DMAC2L: variants seen among roughly 807,000 people sequenced by gnomAD.
DMAC2L encodes ATP synthase subunit s, mitochondrial.
DMAC2L carries 21 observed loss-of-function variants against 22.5 expected under a neutral mutation model. That is an observed-to-expected ratio of 0.93 (90% CI 0.66 to 1.34). DMAC2L has a LOEUF of 1.34. DMAC2L is among the 40% of genes most tolerant of loss of function. DMAC2L has a pLI of 0.00. For synonymous variants in DMAC2L, 86 were observed against 89.5 expected (o/e 0.96, Z 0.22); for missense variants, 239 against 246.5 (o/e 0.97, Z 0.20).
upstream of DMAC2L, chr14:50,312,034 T>G: frequency 6.3e-7 from 1 of 1,579,460 alleles, no homozygotes; most frequent in Non-Finnish European, 8.6e-7. Flanking sequence ...TGCGGCTACC[T>G]CCACACAGCG....
At chr14:50,323,796 G>T in intron 4 of DMAC2L, 149 bp from the exon 5 acceptor site, 2 of 617,022 alleles carry the variant, frequency 3.2e-6, no homozygotes, top group Middle Eastern at 5.6e-4. Flanking sequence ...GGTTAATAGG[G>T]TGAGCAGTCA....
chr14:50,323,764 C>G (rs1458487453), intron 4 of DMAC2L, among the ~76,000 whole-genome samples, 181 bp from the exon 5 acceptor site: 4 of 152,200 alleles, frequency 2.6e-5, no homozygotes, highest in Non-Finnish European at 5.9e-5. Context: ...TCAGCACAAG[C>G]TCTATAGTGA....
chr14:50,322,460 C>T, intron 3 of DMAC2L, 51 bp from the exon 4 acceptor site: 1 of 1,534,714 alleles, frequency 6.5e-7, no homozygotes, highest in Admixed American at 2.0e-5. Flanking sequence ...ATATAGTTAA[C>T]AAGCTAGTGA....
chr14:50,322,412 T>G, intron 3 of DMAC2L, 99 bp from the exon 4 acceptor site: 1 of 1,259,418 alleles, frequency 7.9e-7, no homozygotes, highest in Non-Finnish European at 1.1e-6. Context: ...TCACTTGAAA[T>G]GAAAATTTGT....
upstream of DMAC2L, chr14:50,312,010 C>CCTGGTG (rs1334440953): frequency 3.2e-6 from 5 of 1,562,146 alleles, no homozygotes; most frequent in South Asian, 3.5e-5. Flanking sequence ...CGGCCACTCA[C>CCTGGTG]CTGGTGCTGG....
rs117130531 is a variant in DMAC2L at position 50,322,903 on chromosome 14, C to T, written c.316+184C>T. ...AAATTGAGGTTACAGACACCTTCCT[C>T]TCCTTCCTCCTCTCACTAAGCTTGT... On this transcript the variant is annotated intron_variant, in intron 4 of 5. Coordinates refer to ENST00000557421, the MANE Select transcript of DMAC2L (RefSeq NM_001382507.1). The T allele has an allele frequency of 1.1e-4, 158 of 1,443,744 alleles. 1 individual carries two copies. The East Asian group carries it at 3.9e-3, about 36-fold the overall frequency. 89.4% of individuals were successfully genotyped at this position (1,443,744 alleles called of 1,614,324 possible). A position where few individuals can be genotyped will look rare whatever the true frequency, so the allele number is the denominator to read the frequency against.
chr14:50,316,462 C>T (rs1173229294), intron 2 of DMAC2L, among the ~76,000 whole-genome samples: 1 of 152,162 alleles, frequency 6.6e-6, no homozygotes, highest in Non-Finnish European at 1.5e-5. Flanking sequence ...TCATGAAACC[C>T]TTGCCTAAGC....
At chr14:50,312,502 G>A in intron 1 of DMAC2L, 113 bp downstream of exon 1, 1 of 391,730 alleles carries the variant, frequency 2.6e-6, no homozygotes, top group South Asian at 2.8e-5. Context: ...TGGGTCGCGC[G>A]TCTTCGACCT....
intron 2 of DMAC2L, among the ~76,000 whole-genome samples, chr14:50,317,025 A>G (rs1229530960): frequency 6.6e-6 from 1 of 152,236 alleles, no homozygotes; most frequent in Admixed American, 6.5e-5. Flanking sequence ...TTTTGGCAGT[A>G]TGATCATTTT....
chr14:50,312,687 G>C (rs1011373171), intron 1 of DMAC2L: 1 of 265,926 alleles, frequency 3.8e-6, no homozygotes, highest in African/African-American at 2.3e-5. Context: ...CGCGGCCCGC[G>C]GTAGACGGAG....
chr14:50,323,935 T>G lies in DMAC2L; in HGVS notation c.317-10T>G. The G allele has an allele frequency of 6.3e-7, 1 of 1,593,974 alleles. No homozygotes were observed. Reference sequence around the variant, plus strand: ...AAAGCAGATTCTTAATCTGTACTTTTTCTCCCCAGAGGGCCTAGAGCATGT... The same window carrying G: ...AAAGCAGATTCTTAATCTGTACTTTGTCTCCCCAGAGGGCCTAGAGCATGT... On this transcript the variant is annotated splice_polypyrimidine_tract_variant and intron_variant, in intron 4 of 5. Transcript: ENST00000557421.
At chr14:50,311,648 A>C (rs1216609566), upstream of DMAC2L, among the ~76,000 whole-genome samples, 3 of 152,188 alleles carry the variant, frequency 2.0e-5, no homozygotes, top group Non-Finnish European at 4.4e-5. Flanking sequence ...GATTGCTTAT[A>C]CTGTGTGCTA....
intron 3 of DMAC2L, 50 bp downstream of exon 3, chr14:50,321,644 A>G (rs1214308162): frequency 2.2e-6 from 3 of 1,357,418 alleles, no homozygotes; most frequent in South Asian, 2.4e-5. Context: ...TTACAGCTAA[A>G]TAAGTTCCCA....
In DMAC2L at chr14:50,312,368, C is replaced by T. The variant is rs2031298054; in HGVS notation, c.-63C>T. ...AGACGCGGGGACGCTGGCTCGCTCC[C>T]TCCCTCCCTCCCTCCGACGCTGTGA... On this transcript the variant is annotated 5_prime_UTR_variant, in exon 1 of 6. Coordinates refer to ENST00000557421, the MANE Select transcript of DMAC2L (RefSeq NM_001382507.1). 2 of 614,924 alleles carry T rather than the reference C, an allele frequency of 3.3e-6. No individual in the cohort carries two copies. Among genetic ancestry groups the T allele is most frequent in the South Asian group, 1.9e-5 (1 of 52,064 alleles). The allele number at this position is 614,924 out of a possible 1,614,324, so 38.1% of individuals were successfully genotyped here.
Position 50,326,940 on chromosome 14 carries a change from T to C in DMAC2L, c.*1217T>C, listed in dbSNP as rs556778791. The C allele has an allele frequency of 2.9e-5, 5 of 170,054 alleles. No homozygotes were observed. In the South Asian group the frequency reaches 9.8e-4, roughly 33 times the overall value. 10.5% of individuals were successfully genotyped at this position (170,054 alleles called of 1,614,324 possible). On this transcript the variant is annotated 3_prime_UTR_variant, in exon 6 of 6. Coordinates refer to ENST00000557421, the MANE Select transcript of DMAC2L (RefSeq NM_001382507.1). ...CCTGTAATCTCAGATACTTGGGAGG[T>C]TGAGGTGGTAGGATTGCTTGAGCTC...
At chr14:50,315,440 G>C (rs1171128640) in intron 2 of DMAC2L, among the ~76,000 whole-genome samples, 1 of 150,836 alleles carries the variant, frequency 6.6e-6, no homozygotes, top group Non-Finnish European at 1.5e-5. Context: ...AAGGCAGGTG[G>C]ATCACGAGGT....
At chr14:50,317,404 T>G (rs547006337) in intron 2 of DMAC2L, among the ~76,000 whole-genome samples, 1 of 152,336 alleles carries the variant, frequency 6.6e-6, no homozygotes, top group East Asian at 1.9e-4. Flanking sequence ...TTTACCGATT[T>G]GGATGCCTTT....
chr14:50,312,155 T>G (rs1200834222), upstream of DMAC2L: 1 of 1,609,496 alleles, frequency 6.2e-7, no homozygotes, highest in Non-Finnish European at 8.5e-7. Flanking sequence ...CACCATCCCC[T>G]ACGCACGCTC....
intron 4 of DMAC2L, among the ~76,000 whole-genome samples, chr14:50,323,476 C>T (rs2032468376): frequency 6.7e-6 from 1 of 148,528 alleles, no homozygotes; most frequent in African/African-American, 2.5e-5. Context: ...TCACTGCAAC[C>T]TCTACCTCCT....
Sources: gnomAD v4.1 joint callset for allele counts (sites outside exome capture counted in the v4.1 genomes callset) on GRCh38, gnomAD v4.1.1 for gene constraint, MANE v1.5 for transcripts, NCBI Gene and HGNC (gene_info 2026-07-23, HGNC 2026-07-21) for gene names.